Variants in LTBP1 observed in about 807,000 individuals in gnomAD.
LTBP1 encodes latent transforming growth factor beta binding protein 1.
LTBP1 carries 129 observed loss-of-function variants against 207.6 expected under a neutral mutation model. The observed-to-expected ratio is 0.62, with a 90% confidence interval of 0.54 to 0.72. The LOEUF is 0.72. Ranked by LOEUF, LTBP1 falls within the 30% of genes least tolerant of loss-of-function variation. The pLI is 0.00. For synonymous variants in LTBP1, 963 were observed against 833.7 expected (o/e 1.16, Z -2.67); for missense variants, 2,281 against 2,217.2 (o/e 1.03, Z -0.58).
At chr2:33,088,229 G>A (rs1028712605) in intron 3 of LTBP1, among the ~76,000 whole-genome samples, 1 of 152,122 alleles carries the variant, frequency 6.6e-6, no homozygotes, top group Admixed American at 6.5e-5. Context: ...CAAGGCGGGT[G>A]GATCACGAGG....
intron 24 of LTBP1, among the ~76,000 whole-genome samples, chr2:33,324,699 C>CTTTTTTTTTTTTT (rs35517435): frequency 8.1e-6 from 1 of 123,368 alleles, no homozygotes; most frequent in African/African-American, 3.2e-5. Context: ...TGTATTCTAT[C>CTTTTTTTTTTTTT]TTTTTTTTTT....
intron 3 of LTBP1, among the ~76,000 whole-genome samples, chr2:33,109,843 A>T (rs2080287351): frequency 6.6e-6 from 1 of 152,222 alleles, no homozygotes; most frequent in Non-Finnish European, 1.5e-5. Context: ...TGTCGCAGAG[A>T]TTCTGCAGTA....
intron 9 of LTBP1, among the ~76,000 whole-genome samples, chr2:33,226,513 T>G (rs1467899296): frequency 1.3e-5 from 2 of 152,104 alleles, no homozygotes; most frequent in Non-Finnish European, 2.9e-5. Context: ...ATCCCAGAGG[T>G]GGGGTGGCCC....
At chr2:33,108,119 A>G (rs2080169841) in intron 3 of LTBP1, among the ~76,000 whole-genome samples, 1 of 152,090 alleles carries the variant, frequency 6.6e-6, no homozygotes, top group Non-Finnish European at 1.5e-5. Context: ...TGAGGAAGAG[A>G]GTGTAGGATA....
intron 7 of LTBP1, among the ~76,000 whole-genome samples, chr2:33,203,019 C>G (rs1302390073): frequency 6.6e-6 from 1 of 152,212 alleles, no homozygotes; most frequent in Non-Finnish European, 1.5e-5. Flanking sequence ...CAGTGTCCCA[C>G]TCAAGTACTC....
At chr2:33,091,680 A>C (rs1326340827) in intron 3 of LTBP1, among the ~76,000 whole-genome samples, 1 of 152,184 alleles carries the variant, frequency 6.6e-6, no homozygotes, top group Non-Finnish European at 1.5e-5. Flanking sequence ...TGGTGGCAAG[A>C]ATCCCCTGTA....
At chr2:33,136,178 C>T (rs1303973265) in intron 5 of LTBP1, among the ~76,000 whole-genome samples, 1 of 152,140 alleles carries the variant, frequency 6.6e-6, no homozygotes, top group Non-Finnish European at 1.5e-5. Flanking sequence ...TTGTGAGTTT[C>T]CTGGCTATGA....
At chr2:33,088,083 A>AT (rs1242143510) in intron 3 of LTBP1, among the ~76,000 whole-genome samples, 2 of 152,376 alleles carry the variant, frequency 1.3e-5, no homozygotes, top group East Asian at 3.9e-4. Context: ...AAGTGCTATA[A>AT]TACAAAGTTT....
chr2:33,192,560 ATGT>A, intron 7 of LTBP1, among the ~76,000 whole-genome samples: 1 of 152,272 alleles, frequency 6.6e-6, no homozygotes, highest in East Asian at 1.9e-4. Flanking sequence ...AAGTGAGATG[ATGT>A]TTGTAGAAAG....
At chr2:33,111,011 G>A (rs1443035632) in intron 4 of LTBP1, among the ~76,000 whole-genome samples, 1 of 152,116 alleles carries the variant, frequency 6.6e-6, no homozygotes, top group South Asian at 2.1e-4. Flanking sequence ...ATGGCTTCAT[G>A]TCTAAGACAT....
chr2:33,012,384 T>A lies in LTBP1; in HGVS notation c.566-8525T>A, dbSNP rs142875360. ...TGGGCAAGGAGGTGTGTAGTCACAT[T>A]TTTTGATTTTCTCTCAGGCTCGGTA... On this transcript the variant is annotated intron_variant, in intron 2 of 33. Coordinates refer to ENST00000404816, the MANE Select transcript of LTBP1 (RefSeq NM_206943.4). 6.7e-3 allele frequency among the ~76,000 whole-genome samples: 1,025 copies of A among 152,280 alleles called. 9 individuals carry two copies. Among genetic ancestry groups the A allele is most frequent in the Middle Eastern group, 0.054 (16 of 294 alleles).
At chr2:33,003,406 A>C (rs1206958864) in intron 2 of LTBP1, among the ~76,000 whole-genome samples, 2 of 152,220 alleles carry the variant, frequency 1.3e-5, no homozygotes, top group Admixed American at 1.3e-4. Flanking sequence ...AGGGTTAAAT[A>C]ACTTGCTAAA....
intron 3 of LTBP1, among the ~76,000 whole-genome samples, chr2:33,074,012 C>T (rs762728393): frequency 2.6e-5 from 4 of 152,138 alleles, no homozygotes; most frequent in Non-Finnish European, 4.4e-5. Flanking sequence ...AGTCATTTTG[C>T]CACTTTTTCC....
intron 5 of LTBP1, among the ~76,000 whole-genome samples, chr2:33,157,324 G>A (rs1382486190): frequency 6.6e-6 from 1 of 152,182 alleles, no homozygotes; most frequent in Non-Finnish European, 1.5e-5. Flanking sequence ...CATTTCAGTG[G>A]CTCATTTACT....
chr2:33,313,472 G>A (rs985656479), intron 23 of LTBP1, among the ~76,000 whole-genome samples: 7 of 152,136 alleles, frequency 4.6e-5, no homozygotes, highest in African/African-American at 1.7e-4. Flanking sequence ...GGCTAAGCGT[G>A]TTGTAGCAGC....
intron 5 of LTBP1, among the ~76,000 whole-genome samples, chr2:33,143,136 C>T (rs2082762286): frequency 6.6e-6 from 1 of 152,150 alleles, no homozygotes; most frequent in Admixed American, 6.5e-5. Context: ...GTGCACACTG[C>T]TCTCTCTGCC....
intron 3 of LTBP1, chr2:33,056,308 C>A: frequency 2.3e-6 from 2 of 880,580 alleles, no homozygotes; most frequent in Non-Finnish European, 3.2e-6. Context: ...AAACCGCCTG[C>A]AGTTTTGTTT....
chr2:33,042,827 T>A (rs906856574), intron 3 of LTBP1, among the ~76,000 whole-genome samples: 33 of 152,292 alleles, frequency 2.2e-4, no homozygotes, highest in East Asian at 7.7e-4. Flanking sequence ...TGGTATTTTT[T>A]AAAAAAATAT....
chr2:33,299,131 G>A (rs1324901916), intron 20 of LTBP1, among the ~76,000 whole-genome samples: 5 of 151,766 alleles, frequency 3.3e-5, no homozygotes, highest in African/African-American at 9.7e-5. Context: ...AAAATGAGCT[G>A]GGCGGGAGGC....
Sources: allele counts gnomAD v4.1 joint callset (sites outside exome capture counted in the v4.1 genomes callset), GRCh38; gene constraint gnomAD v4.1.1; transcripts MANE v1.5; gene names NCBI Gene and HGNC (gene_info 2026-07-23, HGNC 2026-07-21).